Variants in HPSE2 observed in about 807,000 individuals in gnomAD.
HPSE2 encodes heparanase 2 (inactive), also known as inactive heparanase-2.
In HPSE2, 38 loss-of-function variants were observed where a neutral mutation model predicts 60.5. The ratio of observed to expected loss-of-function variants is 0.63; its 90% CI spans 0.48 to 0.82. The LOEUF (loss-of-function observed/expected upper bound fraction) is 0.82. Among genes scored for constraint, HPSE2 ranks in the 40% least tolerant of loss-of-function variants. The probability of loss-of-function intolerance (pLI) is 0.00; values close to 1 mark genes in which losing one functional copy is unlikely to be tolerated. For missense variants in HPSE2, 713 were observed against 740.4 expected (o/e 0.96, Z 0.43); for synonymous variants, 295 against 293.2 (o/e 1.01, Z -0.06).
At chr10:98,483,617 C>T (rs1042915231) in intron 10 of HPSE2, among the ~76,000 whole-genome samples, 4 of 152,254 alleles carry the variant, frequency 2.6e-5, no homozygotes, top group South Asian at 2.1e-4. Context: ...ACTAAGTGAT[C>T]GCGTGATTTG....
chr10:98,568,580 A>G (rs562259), intron 9 of HPSE2, among the ~76,000 whole-genome samples: 129,573 of 152,200 alleles, frequency 0.85, 56,372 homozygotes, highest in East Asian at 1. Context: ...GGGCTTCTGG[A>G]AGAAGTGTGG....
At chr10:99,132,741 A>G (rs1845492936) in intron 3 of HPSE2, among the ~76,000 whole-genome samples, 1 of 152,178 alleles carries the variant, frequency 6.6e-6, no homozygotes, top group Non-Finnish European at 1.5e-5. Context: ...CAACACCCGC[A>G]AACCAGGAGA....
intron 3 of HPSE2, among the ~76,000 whole-genome samples, chr10:99,020,627 C>T (rs957863298): frequency 6.6e-6 from 1 of 152,148 alleles, no homozygotes; most frequent in Non-Finnish European, 1.5e-5. Context: ...GAGGGAAGGG[C>T]AGTGTGTATG....
At chr10:98,688,477 C>CTTTTTTTTTTTTTTTTTTTTTTTTT (rs1388717965) in intron 6 of HPSE2, among the ~76,000 whole-genome samples, 1 of 83,034 alleles carries the variant, frequency 1.2e-5, no homozygotes, top group Non-Finnish European at 2.3e-5. Flanking sequence ...TTTTTTTTTT[C>CTTTTTTTTTTTTTTTTTTTTTTTTT]TTTTTTTTTT....
Position 98,641,907 on chromosome 10 carries a change from C to T in HPSE2, c.1038G>A (p.Met346Ile), listed in dbSNP as rs1352242865. 6.2e-7 allele frequency: 1 copy of T among 1,613,806 alleles called. No individual in the cohort carries two copies. Among genetic ancestry groups the T allele is most frequent in the Non-Finnish European group, 8.5e-7 (1 of 1,179,896 alleles). The change falls in exon 7 of 12, where the codon ATG (methionine) becomes ATA (isoleucine). Residue 346 changes from methionine to isoleucine, a missense_variant. Transcript: ENST00000370552. The stretch of plus-strand genomic sequence containing the variant: ...CTAACAGGCGAGTTTTCAGGAAGTC[C>T]ATCACCTTGACCACCCGGCCATCAA... ...CYIDGRVVKVMDFLKTRLLDT... is the reference protein window; with the variant it reads ...CYIDGRVVKVIDFLKTRLLDT...
intron 3 of HPSE2, among the ~76,000 whole-genome samples, chr10:98,911,012 C>T (rs1953962626): frequency 6.6e-6 from 1 of 151,954 alleles, no homozygotes; most frequent in Non-Finnish European, 1.5e-5. Flanking sequence ...AATAGAAAAA[C>T]AGAATTGAGC....
chr10:99,127,650 T>C (rs1457596790), intron 3 of HPSE2, among the ~76,000 whole-genome samples: 1 of 152,208 alleles, frequency 6.6e-6, no homozygotes, highest in Non-Finnish European at 1.5e-5. Flanking sequence ...AAAGAACATC[T>C]GAGGAATTCA....
intron 3 of HPSE2, among the ~76,000 whole-genome samples, chr10:99,008,240 C>T (rs1419364698): frequency 1.3e-5 from 2 of 152,162 alleles, no homozygotes; most frequent in Non-Finnish European, 2.9e-5. Flanking sequence ...AAAATCTGTG[C>T]CCCAGCATGA....
chr10:98,916,654 T>A (rs1954126900), intron 3 of HPSE2, among the ~76,000 whole-genome samples: 1 of 152,244 alleles, frequency 6.6e-6, no homozygotes, highest in Non-Finnish European at 1.5e-5. Flanking sequence ...TGGTTCTGCT[T>A]ACCATCTGCA....
At chr10:98,845,483 T>A (rs1290552724) in intron 3 of HPSE2, among the ~76,000 whole-genome samples, 1 of 152,228 alleles carries the variant, frequency 6.6e-6, no homozygotes, top group Non-Finnish European at 1.5e-5. Context: ...CATGTGAGTA[T>A]AAAGTAATGG....
chr10:99,195,573 T>C (rs2133871002), intron 2 of HPSE2, among the ~76,000 whole-genome samples: 1 of 151,022 alleles, frequency 6.6e-6, no homozygotes, highest in Non-Finnish European at 1.5e-5. Flanking sequence ...ACACAAACAA[T>C]CTGAAAAAGA....
intron 3 of HPSE2, among the ~76,000 whole-genome samples, chr10:99,137,177 C>T (rs1021969248): frequency 8.5e-5 from 13 of 152,170 alleles, no homozygotes; most frequent in African/African-American, 2.9e-4. Flanking sequence ...AGGAGTCCAA[C>T]TTACAAGGGA....
chr10:99,003,882 A>G (rs776730138), intron 3 of HPSE2, among the ~76,000 whole-genome samples: 2 of 151,864 alleles, frequency 1.3e-5, no homozygotes, highest in African/African-American at 2.4e-5. Context: ...AGGTCATGCA[A>G]TTTATCCCTA....
the HPSE2 span, among the ~76,000 whole-genome samples, chr10:99,274,242 G>C: frequency 6.6e-6 from 1 of 152,140 alleles, no homozygotes; most frequent in Non-Finnish European, 1.5e-5. Context: ...AGCTACTCGG[G>C]AGGCTGAGGC....
intron 3 of HPSE2, among the ~76,000 whole-genome samples, chr10:98,944,155 A>G (rs1955109059): frequency 6.6e-6 from 1 of 152,148 alleles, no homozygotes; most frequent in Admixed American, 6.6e-5. Context: ...TTGAAAGGCA[A>G]AGGGTAGTGA....
intron 9 of HPSE2, among the ~76,000 whole-genome samples, chr10:98,535,951 C>T (rs1380078735): frequency 6.6e-6 from 1 of 151,754 alleles, no homozygotes; most frequent in Non-Finnish European, 1.5e-5. Flanking sequence ...GAAGAGCCTT[C>T]CTCCTGTTCC....
At chr10:99,213,289 T>C (rs1223372758) in intron 2 of HPSE2, among the ~76,000 whole-genome samples, 3 of 152,106 alleles carry the variant, frequency 2.0e-5, no homozygotes, top group Admixed American at 6.5e-5. Flanking sequence ...TCATTATACT[T>C]GAACAAGAAG....
chr10:99,038,869 C>A (rs1957670659), intron 3 of HPSE2, among the ~76,000 whole-genome samples: 1 of 152,068 alleles, frequency 6.6e-6, no homozygotes, highest in Admixed American at 6.6e-5. Flanking sequence ...CAATTGCCTC[C>A]CTCATTCAAT....
chr10:98,863,952 C>A (rs180941627), intron 3 of HPSE2, among the ~76,000 whole-genome samples: 1 of 147,596 alleles, frequency 6.8e-6, no homozygotes, highest in Non-Finnish European at 1.5e-5. Flanking sequence ...GTACTATATA[C>A]GTATATGAAT....
Sources: allele counts gnomAD v4.1 joint callset (sites outside exome capture counted in the v4.1 genomes callset), GRCh38; gene constraint gnomAD v4.1.1; transcripts MANE v1.5; gene names NCBI Gene and HGNC (gene_info 2026-07-23, HGNC 2026-07-21).